TTC16: variants seen among roughly 807,000 people sequenced by gnomAD.
TTC16 encodes the protein tetratricopeptide repeat domain 16.
TTC16 carries 66 observed loss-of-function variants against 80.4 expected under a neutral mutation model. That is an observed-to-expected ratio of 0.82 (90% confidence interval 0.67 to 1.01). The LOEUF is 1.01. TTC16 is among the 50% of genes least tolerant of loss of function. The pLI is 0.00. For synonymous variants in TTC16, 438 were observed against 451.3 expected, an observed-to-expected ratio of 0.97 and a Z score of 0.37; for missense variants, 1,070 against 1,103.2, an observed-to-expected ratio of 0.97 and a Z score of 0.43.
At chr9:127,721,117 G>A (rs1192900258) in intron 6 of TTC16, among the ~76,000 whole-genome samples, 2 of 151,760 alleles carry the variant, frequency 1.3e-5, no homozygotes, top group Non-Finnish European at 2.9e-5. Context: ...GGAAGGAGGT[G>A]GAGGGGGTGC....
In TTC16 at chr9:127,726,253, C is replaced by T. The variant is rs777832048; in HGVS notation, c.1274C>T (p.Ala425Val). 3.7e-5 allele frequency: 59 copies of T among 1,594,790 alleles called. No homozygotes were observed. In the East Asian group the frequency reaches 1.3e-3, roughly 35 times the overall value. The change falls in exon 10 of 14, where the codon GCA becomes GTA. Residue 425 changes from alanine to valine, a missense_variant. Transcript: ENST00000373289. ...GTGTCGTGCAGGCAGTTCCAGAAGG[C>T]AGAGAACCACTTCTCCACGGCCATC... Reference protein sequence around the residue: ...CEQRRKQFQKAENHFSTAIRH... With the variant: ...CEQRRKQFQKVENHFSTAIRH...
At chr9:127,729,866 C>T (rs1281503078) in intron 13 of TTC16, 198 bp downstream of exon 13, 2 of 585,894 alleles carry the variant, frequency 3.4e-6, no homozygotes, top group South Asian at 2.0e-5. Flanking sequence ...GCTCCAGGCA[C>T]TTCATGGTAG....
At position 127,718,091 on chromosome 9, in the gene TTC16, T is replaced by C. The variant is rs965553276; in HGVS notation, c.426+319T>C. The stretch of plus-strand genomic sequence containing the variant: ...TATATCTTATTTTTATTTTATTTTA[T>C]TATTATTATTATTTTTGAGACAGTC... On this transcript the variant is annotated intron_variant, in intron 4 of 13. Transcript: ENST00000373289. This position sits in a 1 kb window ranked among gnomAD's most constrained non-coding sequence, Gnocchi z 4.6. Among the ~76,000 whole-genome samples the C allele has an allele frequency of 6.6e-6, 1 of 151,990 alleles. No homozygotes were observed. Among genetic ancestry groups the C allele is most frequent in the African/African-American group, 2.4e-5 (1 of 41,404 alleles).
intron 2 of TTC16, 54 bp downstream of exon 2, chr9:127,717,070 A>T: frequency 6.3e-7 from 1 of 1,598,072 alleles, no homozygotes; most frequent in Non-Finnish European, 8.6e-7. Flanking sequence ...ACAGCCATTC[A>T]CATGCTGTGC....
At chr9:127,717,066 A>C in intron 2 of TTC16, 50 bp downstream of exon 2, 1 of 1,595,634 alleles carries the variant, frequency 6.3e-7, no homozygotes, top group Non-Finnish European at 8.6e-7. Context: ...CGACACAGCC[A>C]TTCACATGCT....
chr9:127,716,252 G>T, intron 1 of TTC16, 89 bp downstream of exon 1: 1 of 1,586,884 alleles, frequency 6.3e-7, no homozygotes, highest in Non-Finnish European at 8.6e-7. Context: ...AAGGCCGGGA[G>T]AGGCAGGGGC....
rs1438527659 is a variant in TTC16, at chr9:127,718,151, G to A, written c.426+379G>A. On this transcript the variant is annotated intron_variant, in intron 4 of 13. Coordinates refer to ENST00000373289, the MANE Select transcript of TTC16 (RefSeq NM_144965.3). This position sits in a 1 kb window ranked among gnomAD's most constrained non-coding sequence, Gnocchi z 4.6. ...CACCCAGGCTGCAGTGCAGTGGCAC[G>A]ATCTCGGCTCACTGCAACCTCTGTC... Among the ~76,000 whole-genome samples the A allele has an allele frequency of 1.3e-5, 2 of 151,768 alleles. 1 individual carries two copies. Among genetic ancestry groups the A allele is most frequent in the South Asian group, 4.2e-4 (2 of 4,794 alleles).
chr9:127,716,275 C>G (rs1843000827), intron 1 of TTC16, 112 bp downstream of exon 1: 12 of 1,490,830 alleles, frequency 8.0e-6, no homozygotes, highest in African/African-American at 1.4e-5. Context: ...CAGTCCGACT[C>G]AGGGAAGGCC....
At position 127,730,658 on chromosome 9, in the gene TTC16, G is replaced by A; in HGVS notation, c.1875G>A (p.Glu625=). The A allele has an allele frequency of 1.2e-6, 2 of 1,612,884 alleles. No homozygotes were observed. The highest frequency in any genetic ancestry group is 1.7e-6 in the Non-Finnish European group (2 of 1,180,000). Reference sequence around the variant, plus strand: ...TAGTCAGGACCACAGGCACCTCAGAGACTGAGATGTCGGCTATCTGCCAGG... The same window carrying A: ...TAGTCAGGACCACAGGCACCTCAGAAACTGAGATGTCGGCTATCTGCCAGG... ...SMSFRTTGTS[E]TEMSAICQEY... The change falls in exon 14 of 14, where the codon GAG becomes GAA. Residue 625 remains glutamate (E), a synonymous_variant. Coordinates refer to ENST00000373289, the MANE Select transcript of TTC16 (RefSeq NM_144965.3).
At position 127,724,239 on chromosome 9, in the gene TTC16, T is replaced by C; in HGVS notation, c.992T>C (p.Leu331Ser). The C allele has an allele frequency of 6.2e-7, 1 of 1,613,074 alleles. No individual in the cohort carries two copies. Among genetic ancestry groups the C allele is most frequent in the South Asian group, 1.1e-5 (1 of 91,088 alleles). ...DMVRQAQRQL[L>S]LTYNDFAVHC... is the part of the protein sequence containing the mutation. Reference sequence around the variant, plus strand: ...GTGCGGCAGGCACAGCGCCAGCTGTTGCTGACCTACAACGACTTTGCCGTG... The same window carrying C: ...GTGCGGCAGGCACAGCGCCAGCTGTCGCTGACCTACAACGACTTTGCCGTG... The change falls in exon 8 of 14, where the codon TTG (leucine) becomes TCG (serine). Residue 331 changes from leucine (L) to serine (S), a missense_variant. Physicochemically the swap from Leu to Ser is moderately radical, Grantham distance 145 (BLOSUM62 -2). Transcript: ENST00000373289.
At position 127,724,911 on chromosome 9, in the gene TTC16, C is replaced by T. The variant is rs1271355222; in HGVS notation, c.1259+14C>T. 4 of 1,497,856 alleles carry T rather than the reference C, an allele frequency of 2.7e-6. No individual in the cohort carries two copies. The highest frequency in any genetic ancestry group is 1.4e-5 in the African/African-American group (1 of 71,220). The allele number at this position is 1,497,856 out of a possible 1,614,324, so 92.8% of individuals were successfully genotyped here. On this transcript the variant is annotated intron_variant, in intron 9 of 13. Transcript: ENST00000373289. The stretch of plus-strand genomic sequence containing the variant: ...GCAGAGGCGCAAGTGCGTGGGCTCC[C>T]GCCCCCACGGTGGGCGGGGCAGGCC...
At chr9:127,716,695 C>A in intron 1 of TTC16, 149 bp from the exon 2 acceptor site, 2 of 999,084 alleles carry the variant, frequency 2.0e-6, no homozygotes, top group Non-Finnish European at 2.9e-6. Flanking sequence ...GGGAATGGGG[C>A]TGGGAGCGCC....
chr9:127,730,847 C>A lies in TTC16; in HGVS notation c.2064C>A (p.Thr688=). ...QRQSLSKTEP[T]QSQRRNSSKT... is the part of the protein sequence containing the mutation. Reference sequence around the variant, plus strand: ...AGAGCCTTAGCAAGACTGAGCCCACCCAGAGCCAGAGGCGGAACTCCAGCA... The same window carrying A: ...AGAGCCTTAGCAAGACTGAGCCCACACAGAGCCAGAGGCGGAACTCCAGCA... Residue 688 remains threonine (T), a synonymous_variant, in exon 14 of 14, where the codon ACC becomes ACA. Transcript: ENST00000373289. 3 of 1,613,164 alleles carry A rather than the reference C, an allele frequency of 1.9e-6. No homozygotes were observed. The highest frequency in any genetic ancestry group is 2.5e-6 in the Non-Finnish European group (3 of 1,179,852).
At position 127,722,903 on chromosome 9, in the gene TTC16, G is replaced by A. The variant is rs1396869211; in HGVS notation, c.658-216G>A. On this transcript the variant is annotated intron_variant, in intron 6 of 13. Transcript: ENST00000373289. The surrounding 1 kb of genome is among the most constrained non-coding windows in gnomAD (Gnocchi z 4.2). ...GAATCGCTTGAACCCGGGAGGCAGA[G>A]GTTGCAGTGAGCCAAGACCACGCCA... Among the ~76,000 whole-genome samples the A allele has an allele frequency of 6.6e-6, 1 of 151,930 alleles. No individual in the cohort carries two copies. Among genetic ancestry groups the A allele is most frequent in the East Asian group, 1.9e-4 (1 of 5,188 alleles).
intron 4 of TTC16, among the ~76,000 whole-genome samples, chr9:127,719,305 C>T (rs1458788669): frequency 6.6e-6 from 1 of 152,170 alleles, no homozygotes; most frequent in Non-Finnish European, 1.5e-5. Context: ...CCTGCACTGC[C>T]ACTTCCTGTG....
rs374417957 is a variant in TTC16, at chr9:127,730,706, C to T, written c.1923C>T (p.Thr641=). ...AGGAATACAGGAGCACCTCAGCCAC[C>T]GCCGTGACATTCTCTGACTCGTCAC... ...ICQEYRSTSA[T]AVTFSDSSLL... Residue 641 remains threonine (T), a synonymous_variant, in exon 14 of 14, where the codon ACC becomes ACT. Coordinates refer to ENST00000373289, the MANE Select transcript of TTC16 (RefSeq NM_144965.3). The T allele has an allele frequency of 1.9e-5, 31 of 1,613,338 alleles. No homozygotes were observed. Among genetic ancestry groups the T allele is most frequent in the South Asian group, 7.7e-5 (7 of 91,092 alleles).
rs1843330750 is a variant in TTC16 at position 127,720,092 on chromosome 9, T to G, written c.441T>G (p.Phe147Leu). The G allele has an allele frequency of 6.2e-7, 1 of 1,613,854 alleles. No individual in the cohort carries two copies. Among genetic ancestry groups the G allele is most frequent in the African/African-American group, 1.3e-5 (1 of 75,036 alleles). Residue 147 changes from phenylalanine to leucine, a missense_variant, in exon 5 of 14, where the codon TTT becomes TTG. Physicochemically the swap from Phe to Leu is conservative, Grantham distance 22. Coordinates refer to ENST00000373289, the MANE Select transcript of TTC16 (RefSeq NM_144965.3). ...TGTGTCCCCAGGGACAATGCCTTTT[T>G]GAGCAGTGTGCCTTCCTGGATGCCC... is the stretch of plus-strand genomic sequence containing the variant. ...FVLYLQGQCL[F>L]EQCAFLDALN...
chr9:127,724,706 C>T (rs1843779198), intron 8 of TTC16, 50 bp from the exon 9 acceptor site: 2 of 1,582,650 alleles, frequency 1.3e-6, no homozygotes, highest in Non-Finnish European at 1.7e-6. Flanking sequence ...GGCTGGGGCT[C>T]CCGGGCACTG....
Position 127,731,187 on chromosome 9 carries a change from T to C in TTC16, c.2404T>C (p.Ser802Pro). The change falls in exon 14 of 14, where the codon TCC becomes CCC. Residue 802 changes from serine (S) to proline (P), a missense_variant. By Grantham distance (74) the Ser-to-Pro change is moderately conservative. Transcript: ENST00000373289. ...QGRSRGLLRS[S>P]TKTEAFYDSN... The stretch of plus-strand genomic sequence containing the variant: ...CCGAAGCAGGGGACTGCTCCGAAGT[T>C]CCACCAAGACTGAGGCTTTCTATGA... 6.2e-7 allele frequency: 1 copy of C among 1,612,764 alleles called. No individual in the cohort carries two copies. The highest frequency in any genetic ancestry group is 8.5e-7 in the Non-Finnish European group (1 of 1,179,872).
Sources: allele counts gnomAD v4.1 joint callset (sites outside exome capture counted in the v4.1 genomes callset), GRCh38; gene constraint gnomAD v4.1.1; non-coding constraint Gnocchi (gnomAD v3.1); transcripts MANE v1.5; gene names NCBI Gene and HGNC (gene_info 2026-07-23, HGNC 2026-07-21).